EPB41L4A: variants seen among roughly 807,000 people sequenced by gnomAD.
EPB41L4A encodes erythrocyte membrane protein band 4.1 like 4A, also known as band 4.1-like protein 4A.
EPB41L4A carries 100 observed loss-of-function variants against 108.6 expected under a neutral mutation model. The observed-to-expected ratio is 0.92, with a 90% CI of 0.78 to 1.09. EPB41L4A has a LOEUF of 1.09. Ranked by LOEUF, EPB41L4A falls within the 50% of genes least tolerant of loss-of-function variation. The pLI is 0.00. For missense variants in EPB41L4A, 1,030 were observed against 842.7 expected, an observed-to-expected ratio of 1.22 and a Z score of -2.75; for synonymous variants, 319 against 289.0, an observed-to-expected ratio of 1.10 and a Z score of -1.05.
At chr5:112,222,287 C>G (rs1748121113) in intron 12 of EPB41L4A, among the ~76,000 whole-genome samples, 1 of 152,218 alleles carries the variant, frequency 6.6e-6, no homozygotes, top group Admixed American at 6.5e-5. Context: ...CCTTTCTTAA[C>G]TTCCATTTAC....
At chr5:112,385,117 AG>A (rs1266756671) in intron 1 of EPB41L4A, among the ~76,000 whole-genome samples, 1 of 152,202 alleles carries the variant, frequency 6.6e-6, no homozygotes, top group African/African-American at 2.4e-5. Flanking sequence ...GAGCCTGCTA[AG>A]TACTCCCTCC....
chr5:112,399,466 A>C (rs898257386), intron 1 of EPB41L4A, among the ~76,000 whole-genome samples: 1 of 152,226 alleles, frequency 6.6e-6, no homozygotes, highest in South Asian at 2.1e-4. Flanking sequence ...TCCAGGGCCC[A>C]GCCCACTGCC....
At chr5:112,372,513 T>C (rs1198481625) in intron 1 of EPB41L4A, among the ~76,000 whole-genome samples, 1 of 152,062 alleles carries the variant, frequency 6.6e-6, no homozygotes, top group Non-Finnish European at 1.5e-5. Context: ...AGAGCACTAA[T>C]CATAAGAGAA....
intron 12 of EPB41L4A, among the ~76,000 whole-genome samples, chr5:112,229,575 C>G (rs1018302389): frequency 1.4e-3 from 214 of 152,204 alleles, no homozygotes; most frequent in African/African-American, 5.0e-3. Context: ...TACCCTTCCC[C>G]CAAATCCCCA....
rs749837000 is a variant in EPB41L4A, at chr5:112,259,918, T to C, written c.704A>G (p.Asn235Ser). The C allele has an allele frequency of 6.8e-6, 11 of 1,614,008 alleles. No individual in the cohort carries two copies. The East Asian group carries it at 2.2e-4, about 33-fold the overall frequency. The change falls in exon 8 of 23, where the codon AAT becomes AGT. Residue 235 changes from asparagine (N) to serine (S), a missense_variant. Physicochemically the swap from Asn to Ser is conservative, Grantham distance 46 (BLOSUM62 1). Coordinates refer to ENST00000261486, the MANE Select transcript of EPB41L4A (RefSeq NM_022140.5). Reference sequence around the variant, plus strand: ...GAAATACTTCCCCACTTGCTTTTTATTCTTGTACACAACAACACCAACCGG... The same window carrying C: ...GAAATACTTCCCCACTTGCTTTTTACTCTTGTACACAACAACACCAACCGG... ...LTPVGVVVYK[N>S]KKQVGKYFWP...
At chr5:112,339,467 T>G (rs1474921718) in intron 1 of EPB41L4A, among the ~76,000 whole-genome samples, 2 of 44,362 alleles carry the variant, frequency 4.5e-5, no homozygotes, top group African/African-American at 1.3e-4. Context: ...TATAGATATA[T>G]ATATATCTAT....
At chr5:112,365,043 T>C (rs1375962205) in intron 1 of EPB41L4A, among the ~76,000 whole-genome samples, 3 of 152,316 alleles carry the variant, frequency 2.0e-5, no homozygotes, top group South Asian at 4.1e-4. Flanking sequence ...CCTGTCTTGT[T>C]TGACCGCTGT....
intron 17 of EPB41L4A, among the ~76,000 whole-genome samples, chr5:112,186,774 T>G (rs941253185): frequency 1.3e-5 from 2 of 152,174 alleles, no homozygotes; most frequent in African/African-American, 4.8e-5. Flanking sequence ...ATTACAAGAA[T>G]GAAAGTGTCA....
intron 9 of EPB41L4A, chr5:112,257,404 A>C (rs1751180689): frequency 6.6e-6 from 1 of 152,078 alleles, no homozygotes; most frequent in South Asian, 2.1e-4. Context: ...GGGCCTCCCC[A>C]GACATCCATT....
intron 1 of EPB41L4A, among the ~76,000 whole-genome samples, chr5:112,337,665 A>G (rs767203477): frequency 5.9e-5 from 9 of 152,176 alleles, no homozygotes; most frequent in African/African-American, 2.2e-4. Flanking sequence ...CCTAATTTCA[A>G]TAAAGCATCT....
intron 11 of EPB41L4A, among the ~76,000 whole-genome samples, chr5:112,239,035 C>G (rs1749575670): frequency 6.6e-6 from 1 of 152,164 alleles, no homozygotes; most frequent in Non-Finnish European, 1.5e-5. Context: ...GATCCCACTT[C>G]CCCGCTTCCT....
At chr5:112,157,086 C>T (rs1759675145) in intron 12 of EPB41L4A, among the ~76,000 whole-genome samples, 1 of 150,714 alleles carries the variant, frequency 6.6e-6, no homozygotes, top group South Asian at 2.1e-4. Context: ...AATATTGACA[C>T]AGGAGAGACA....
At chr5:112,239,317 T>C (rs748942283) in intron 11 of EPB41L4A, among the ~76,000 whole-genome samples, 8 of 152,206 alleles carry the variant, frequency 5.3e-5, no homozygotes, top group Non-Finnish European at 1.0e-4. Context: ...CTGAATGTCT[T>C]AAAAACACAA....
chr5:112,352,880 CTTGCTTTTCCATGTTAA>C (rs1404979490), intron 1 of EPB41L4A, among the ~76,000 whole-genome samples: 2 of 152,080 alleles, frequency 1.3e-5, no homozygotes, highest in Non-Finnish European at 2.9e-5. Context: ...GTCCTGTTTC[CTTGCTTTTCCATGTTAA>C]TTGTATTCTT....
rs574312298 is a variant in EPB41L4A at position 112,296,385 on chromosome 5, A to G, written c.204+11001T>C. ...AATTGTGGAGTTGAATTACTATAAT[A>G]ATCAATTAAGAAATTTTAAGACAGG... On this transcript the variant is annotated intron_variant, in intron 2 of 22. Transcript: ENST00000261486. Among the ~76,000 whole-genome samples the G allele has an allele frequency of 1.2e-4, 19 of 152,260 alleles. 1 individual carries two copies. Among genetic ancestry groups the G allele is most frequent in the Non-Finnish European group, 2.4e-4 (16 of 68,016 alleles).
intron 9 of EPB41L4A, among the ~76,000 whole-genome samples, chr5:112,244,487 AAG>A (rs1415090287): frequency 6.6e-6 from 1 of 152,010 alleles, no homozygotes. Flanking sequence ...CTCCCTGAGA[AAG>A]AGAAAGAGAC....
At chr5:112,148,600 C>A (rs1759352957) in intron 12 of EPB41L4A, among the ~76,000 whole-genome samples, 1 of 152,084 alleles carries the variant, frequency 6.6e-6, no homozygotes, top group African/African-American at 2.4e-5. Context: ...GAAGAAAAGT[C>A]TCTGTTACTT....
At chr5:112,281,331 CAAT>C (rs1752949456) in intron 2 of EPB41L4A, among the ~76,000 whole-genome samples, 1 of 152,194 alleles carries the variant, frequency 6.6e-6, no homozygotes, top group African/African-American at 2.4e-5. Context: ...TTAAATCTCA[CAAT>C]TATTAAGTAG....
At chr5:112,362,104 A>G (rs992681054) in intron 1 of EPB41L4A, among the ~76,000 whole-genome samples, 5 of 152,014 alleles carry the variant, frequency 3.3e-5, no homozygotes, top group Non-Finnish European at 7.4e-5. Flanking sequence ...CATTAATTTT[A>G]TTTAGTTTTC....
Sources: gnomAD v4.1 joint callset for allele counts (sites outside exome capture counted in the v4.1 genomes callset) on GRCh38, gnomAD v4.1.1 for gene constraint, MANE v1.5 for transcripts, NCBI Gene and HGNC (gene_info 2026-07-23, HGNC 2026-07-21) for gene names.